The following NEBL variants were observed in gnomAD, a reference collection of about 807,000 sequenced individuals.
NEBL encodes the protein nebulette, also known as LIM and SH3 protein 2.
Under a neutral mutation model 140.2 loss-of-function variants are expected in NEBL, and 122 were observed. The ratio of observed to expected loss-of-function variants is 0.87; its 90% CI spans 0.75 to 1.01. The LOEUF is 1.01. Among genes scored for constraint, NEBL ranks in the 50% least tolerant of loss-of-function variants. The pLI is 0.00. For missense variants in NEBL, 1,365 were observed against 1,231.3 expected (o/e 1.11, Z -1.62); for synonymous variants, 436 against 398.9 (o/e 1.09, Z -1.11).
At chr10:20,795,552 C>T (rs887061426) in intron 26 of NEBL, among the ~76,000 whole-genome samples, 4 of 143,500 alleles carry the variant, frequency 2.8e-5, no homozygotes, top group African/African-American at 1.0e-4. Flanking sequence ...AGAGAGTGTG[C>T]GTGTGCAATG....
intron 4 of NEBL, among the ~76,000 whole-genome samples, chr10:20,942,973 A>G (rs1392988258): frequency 1.3e-5 from 2 of 152,178 alleles, no homozygotes; most frequent in Non-Finnish European, 2.9e-5. Flanking sequence ...AAATAGGAAC[A>G]CTTTTACACT....
chr10:20,899,287 C>A, upstream of NEBL: 1 of 743,254 alleles, frequency 1.3e-6, no homozygotes, highest in Non-Finnish European at 1.9e-6. Context: ...AAAATCTTGC[C>A]AAAACTGCCT....
At chr10:21,002,963 T>A (rs1445576696) in intron 3 of NEBL, among the ~76,000 whole-genome samples, 2 of 150,896 alleles carry the variant, frequency 1.3e-5, no homozygotes, top group Non-Finnish European at 2.9e-5. Context: ...GAACCCATCA[T>A]GATGGGTTTA....
At chr10:20,843,820 T>C (rs981622442) in intron 12 of NEBL, among the ~76,000 whole-genome samples, 9 of 152,154 alleles carry the variant, frequency 5.9e-5, no homozygotes, top group Non-Finnish European at 1.0e-4. Context: ...GTATCATTTC[T>C]TTGTGTTGTG....
intron 2 of NEBL, chr10:21,029,018 A>T: frequency 1.3e-6 from 1 of 743,878 alleles, no homozygotes; most frequent in Non-Finnish European, 2.2e-6. Flanking sequence ...TCAGCAAAAA[A>T]GACGAATAAG....
At chr10:21,155,406 A>T (rs1840301911) in intron 2 of NEBL, among the ~76,000 whole-genome samples, 2 of 152,104 alleles carry the variant, frequency 1.3e-5, no homozygotes, top group South Asian at 2.1e-4. Context: ...GTACCCATTA[A>T]CATCCCCACC....
chr10:21,133,729 T>A (rs900952467), intron 2 of NEBL, among the ~76,000 whole-genome samples: 1 of 152,210 alleles, frequency 6.6e-6, no homozygotes, highest in African/African-American at 2.4e-5. Flanking sequence ...AGGAAACCTA[T>A]GTCTCAAAAT....
At chr10:21,032,804 T>A (rs1833853606) in intron 2 of NEBL, among the ~76,000 whole-genome samples, 1 of 152,186 alleles carries the variant, frequency 6.6e-6, no homozygotes, top group Non-Finnish European at 1.5e-5. Flanking sequence ...AAATTCTCTT[T>A]CTGGCTCGAA....
At chr10:20,831,390 C>T in intron 15 of NEBL, 83 bp downstream of exon 15, 1 of 1,495,634 alleles carries the variant, frequency 6.7e-7, no homozygotes, top group South Asian at 1.1e-5. Flanking sequence ...CTCAAAGCCA[C>T]CCATGTGGAA....
At chr10:21,258,163 C>T (rs1030398595) in intron 1 of NEBL, among the ~76,000 whole-genome samples, 2 of 152,270 alleles carry the variant, frequency 1.3e-5, no homozygotes, top group South Asian at 2.1e-4. Flanking sequence ...TGACTCAAGC[C>T]TGTAGTCCCA....
chr10:21,150,268 C>T (rs1467746747), intron 2 of NEBL, among the ~76,000 whole-genome samples: 4 of 152,294 alleles, frequency 2.6e-5, no homozygotes, highest in East Asian at 1.9e-4. Flanking sequence ...GGATTTATAT[C>T]GAACGGTTGG....
At chr10:20,872,305 A>G (rs1845026416) in intron 5 of NEBL, among the ~76,000 whole-genome samples, 2 of 152,174 alleles carry the variant, frequency 1.3e-5, no homozygotes, top group African/African-American at 4.8e-5. Flanking sequence ...AAATTCAAAC[A>G]AGAGGACACC....
At chr10:21,010,151 T>C (rs80289095) in intron 3 of NEBL, among the ~76,000 whole-genome samples, 2,135 of 152,286 alleles carry the variant, frequency 0.014, 51 homozygotes, top group African/African-American at 0.047. Flanking sequence ...TTTAATGAAA[T>C]GGGATTGCTT....
At chr10:21,122,308 G>T (rs1443065205) in intron 2 of NEBL, among the ~76,000 whole-genome samples, 1 of 151,790 alleles carries the variant, frequency 6.6e-6, no homozygotes, top group Non-Finnish European at 1.5e-5. Flanking sequence ...TTACAGGCAT[G>T]AGCCACCACG....
intron 2 of NEBL, among the ~76,000 whole-genome samples, chr10:21,101,957 G>A (rs1837499420): frequency 6.6e-6 from 1 of 152,244 alleles, no homozygotes; most frequent in Non-Finnish European, 1.5e-5. Context: ...CCAAGACAGA[G>A]TAGAAGCCAC....
intron 1 of NEBL, among the ~76,000 whole-genome samples, chr10:21,252,286 C>G (rs1842597291): frequency 6.6e-6 from 1 of 152,192 alleles, no homozygotes; most frequent in African/African-American, 2.4e-5. Flanking sequence ...TGTGTAATAA[C>G]TCTAATCCTT....
At chr10:20,807,664 A>G (rs1401942985) in intron 26 of NEBL, among the ~76,000 whole-genome samples, 1 of 149,752 alleles carries the variant, frequency 6.7e-6, no homozygotes, top group African/African-American at 2.5e-5. Context: ...CTCAACCTCA[A>G]AATTTCCTAC....
At chr10:21,065,984 T>C (rs1009057935) in intron 2 of NEBL, among the ~76,000 whole-genome samples, 1 of 152,232 alleles carries the variant, frequency 6.6e-6, no homozygotes, top group East Asian at 1.9e-4. Context: ...TTAGCTGTCC[T>C]CTCTTTATCC....
In NEBL at chr10:20,823,201, T is replaced by C. The variant is rs371630900; in HGVS notation, c.1962+7A>G. 7.1e-4 allele frequency: 1,124 copies of C among 1,588,686 alleles called. 3 individuals carry two copies. The highest frequency in any genetic ancestry group is 8.9e-4 in the Non-Finnish European group (1,032 of 1,161,494). ...ATTTTTAAAAAATACTTAAGAAATA[T>C]GATCACATTGCTGATGTTCTTCTGG... On this transcript the variant is annotated splice_region_variant and intron_variant, in intron 19 of 27. Coordinates refer to ENST00000377122, the MANE Select transcript of NEBL (RefSeq NM_006393.3).
Sources: allele counts gnomAD v4.1 joint callset (sites outside exome capture counted in the v4.1 genomes callset), GRCh38; gene constraint gnomAD v4.1.1; transcripts MANE v1.5; gene names NCBI Gene and HGNC (gene_info 2026-07-23, HGNC 2026-07-21).